FRY: variants seen among roughly 807,000 people sequenced by gnomAD.
FRY encodes the protein protein furry homolog.
A neutral mutation model predicts 348.4 loss-of-function variants in FRY; 128 were observed. The observed-to-expected ratio is 0.37, with a 90% confidence interval of 0.32 to 0.43. FRY has a LOEUF of 0.43. Among genes scored for constraint, FRY ranks in the 20% least tolerant of loss-of-function variants. The probability of loss-of-function intolerance (pLI) is 1.00; values close to 1 mark genes in which losing one functional copy is unlikely to be tolerated. For missense variants in FRY, 2,736 were observed against 3,695.2 expected (o/e 0.74, Z 6.73); for synonymous variants, 1,370 against 1,374.7 (o/e 1.00, Z 0.08).
At chr13:32,231,091 T>C in intron 40 of FRY, 88 bp from the exon 41 acceptor site, 1 of 1,133,510 alleles carries the variant, frequency 8.8e-7, no homozygotes, top group Non-Finnish European at 1.3e-6. Context: ...TTTAAATATG[T>C]TATATGTTTG....
At chr13:32,113,989 GA>G (rs1467779114) in intron 3 of FRY, among the ~76,000 whole-genome samples, 1 of 152,048 alleles carries the variant, frequency 6.6e-6, no homozygotes, top group African/African-American at 2.4e-5. Flanking sequence ...TAATGGGGGA[GA>G]AAAAAATATT....
intron 2 of FRY, among the ~76,000 whole-genome samples, chr13:32,099,258 ATATATGTG>A (rs1876987650): frequency 6.6e-6 from 1 of 151,560 alleles, no homozygotes; most frequent in Non-Finnish European, 1.5e-5. Flanking sequence ...AAAGACATAT[ATATATGTG>A]TATATATGTA....
chr13:32,212,326 C>T lies in FRY; in HGVS notation c.4626C>T (p.Gly1542=), dbSNP rs1884734213. 1 of 1,610,416 alleles carries T rather than the reference C, an allele frequency of 6.2e-7. No homozygotes were observed. The highest frequency in any genetic ancestry group is 1.1e-5 in the South Asian group (1 of 90,738). ...TTSSSNTVVA[G]QENFPDAEEN... is the part of the protein sequence containing the mutation. Reference sequence around the variant, plus strand: ...CTAGCAGCAATACAGTGGTTGCTGGCCAGGAAAATTTCCCAGATGCTGAGG... The same window carrying T: ...CTAGCAGCAATACAGTGGTTGCTGGTCAGGAAAATTTCCCAGATGCTGAGG... Residue 1542 remains glycine, a synonymous_variant, in exon 35 of 61, where the codon GGC becomes GGT. Transcript: ENST00000542859.
chr13:32,275,191 A>G (rs571394674), intron 56 of FRY, 200 bp downstream of exon 56: 5 of 473,922 alleles, frequency 1.1e-5, no homozygotes, highest in Admixed American at 6.0e-5. Flanking sequence ...ATCCTGGCTA[A>G]CACGGTGAAA....
chr13:32,282,914 A>C (rs1430849757), intron 58 of FRY, among the ~76,000 whole-genome samples: 10 of 152,130 alleles, frequency 6.6e-5, no homozygotes, highest in Admixed American at 6.5e-4. Flanking sequence ...AGCGTGAGGC[A>C]GGTGGATCAC....
intron 11 of FRY, among the ~76,000 whole-genome samples, chr13:32,140,814 CT>C (rs1189638594): frequency 2.6e-5 from 4 of 152,102 alleles, no homozygotes; most frequent in Non-Finnish European, 4.4e-5. Context: ...AGTTTGAATG[CT>C]TTTTTCAACT....
chr13:32,193,743 G>A (rs867735709), intron 28 of FRY, among the ~76,000 whole-genome samples: 5 of 151,920 alleles, frequency 3.3e-5, no homozygotes, highest in South Asian at 2.1e-4. Flanking sequence ...CCACCACCAC[G>A]CCCAGCTAAT....
Position 32,136,886 on chromosome 13 carries a change from G to A in FRY, c.1093G>A (p.Val365Met), listed in dbSNP as rs1387501303. Residue 365 changes from valine (V) to methionine (M), a missense_variant, in exon 11 of 61, where the codon GTG (valine) becomes ATG (methionine). Val to Met is a conservative substitution (Grantham distance 21). This residue lies in a region of FRY where 191 missense variants were observed against 370.2 expected (regional missense o/e 0.52). Transcript: ENST00000542859. ...KKHSLALYPL[V>M]TCLLCVSQKQ... The stretch of plus-strand genomic sequence containing the variant: ...TTCTCCTCAGGCCTTGTACCCCCTG[G>A]TGACCTGTTTGCTCTGTGTCAGTCA... 6.3e-7 allele frequency: 1 copy of A among 1,599,962 alleles called. No homozygotes were observed. The highest frequency in any genetic ancestry group is 1.7e-5 in the Admixed American group (1 of 59,978).
At position 32,186,273 on chromosome 13, in the gene FRY, A is replaced by T. The variant is rs1192310394; in HGVS notation, c.3333A>T (p.Arg1111Ser). 6.2e-7 allele frequency: 1 copy of T among 1,613,406 alleles called. No homozygotes were observed. The highest frequency in any genetic ancestry group is 8.5e-7 in the Non-Finnish European group (1 of 1,179,500). The change falls in exon 27 of 61, where the codon AGA becomes AGT. Residue 1111 changes from arginine (R) to serine (S), a missense_variant. Coordinates refer to ENST00000542859, the MANE Select transcript of FRY (RefSeq NM_023037.3). The stretch of plus-strand genomic sequence containing the variant: ...TTTTCTCCCTAGTTCACCACCGAAG[A>T]TTTCTCTTCCCCCAGCAAAGTCTGA... Reference protein sequence around the residue: ...LIQCVPVHHRRFLFPQQSLRH... With the variant: ...LIQCVPVHHRSFLFPQQSLRH...
At chr13:32,055,421 T>C (rs1456282416) in intron 1 of FRY, among the ~76,000 whole-genome samples, 3 of 152,228 alleles carry the variant, frequency 2.0e-5, no homozygotes, top group African/African-American at 7.2e-5. Flanking sequence ...TGTTCTCTTT[T>C]ATTATTAAAT....
chr13:32,088,866 C>T (rs1475442584), intron 2 of FRY, among the ~76,000 whole-genome samples: 1 of 152,028 alleles, frequency 6.6e-6, no homozygotes, highest in Non-Finnish European at 1.5e-5. Flanking sequence ...AATACAAAAC[C>T]AGACAAAGGT....
At chr13:32,093,762 A>G (rs1876495079) in intron 2 of FRY, among the ~76,000 whole-genome samples, 1 of 152,218 alleles carries the variant, frequency 6.6e-6, no homozygotes, top group African/African-American at 2.4e-5. Flanking sequence ...GAGCTGGGGC[A>G]TCTGGTCAGA....
chr13:32,186,575 G>A (rs750141773), intron 27 of FRY, among the ~76,000 whole-genome samples, 155 bp downstream of exon 27: 3 of 151,928 alleles, frequency 2.0e-5, no homozygotes, highest in Admixed American at 1.3e-4. Context: ...GGACACACAC[G>A]TACATAGCTT....
chr13:32,202,225 T>C, intron 30 of FRY, 131 bp from the exon 31 acceptor site: 1 of 844,488 alleles, frequency 1.2e-6, no homozygotes, highest in South Asian at 1.4e-5. Context: ...ACTGATGTTT[T>C]ACCTTTAATT....
At chr13:32,072,322 G>T (rs1055438253) in intron 1 of FRY, among the ~76,000 whole-genome samples, 18 of 151,968 alleles carry the variant, frequency 1.2e-4, no homozygotes, top group Non-Finnish European at 2.2e-4. Context: ...TTGTTTTTCG[G>T]TATTTTTTTT....
chr13:32,089,626 T>G (rs1037258616), intron 2 of FRY, among the ~76,000 whole-genome samples: 1 of 151,990 alleles, frequency 6.6e-6, no homozygotes, highest in Admixed American at 6.6e-5. Flanking sequence ...AACAAAAAAA[T>G]TAGCCAGGCG....
intron 35 of FRY, among the ~76,000 whole-genome samples, chr13:32,216,940 G>A (rs1276320984): frequency 1.3e-5 from 2 of 152,204 alleles, no homozygotes; most frequent in Admixed American, 1.3e-4. Context: ...AAAAGTGAAT[G>A]AAACCAAGCT....
At chr13:32,128,674 A>G (rs1199178763) in intron 7 of FRY, among the ~76,000 whole-genome samples, 1 of 152,240 alleles carries the variant, frequency 6.6e-6, no homozygotes, top group African/African-American at 2.4e-5. Context: ...TTAATTGGAA[A>G]TGCATTCACT....
intron 14 of FRY, among the ~76,000 whole-genome samples, chr13:32,153,138 G>T (rs966175450): frequency 1.3e-5 from 2 of 152,078 alleles, no homozygotes; most frequent in African/African-American, 4.8e-5. Context: ...GAAAAATTTG[G>T]CAATTTCTTT....
Sources: gnomAD v4.1 joint callset for allele counts (sites outside exome capture counted in the v4.1 genomes callset) on GRCh38, gnomAD v4.1.1 for gene constraint, gnomAD v4.1.1 regional missense constraint, MANE v1.5 for transcripts, NCBI Gene and HGNC (gene_info 2026-07-23, HGNC 2026-07-21) for gene names.